Variants in EFNA5 observed in about 807,000 individuals in gnomAD.
EFNA5 encodes the protein ephrin A5, also known as ephrin-A5.
A neutral mutation model predicts 22.9 loss-of-function variants in EFNA5; 5 were observed. The observed-to-expected ratio is 0.22, with a 90% CI of 0.11 to 0.46. The LOEUF is 0.46. Ranked by LOEUF, EFNA5 falls within the 20% of genes least tolerant of loss-of-function variation. The probability of loss-of-function intolerance (pLI) is 0.99; values close to 1 mark genes in which losing one functional copy is unlikely to be tolerated. For missense variants in EFNA5, 237 were observed against 293.3 expected (o/e 0.81, Z 1.40); for synonymous variants, 113 against 112.2 (o/e 1.01, Z -0.04).
At chr5:107,544,243 CTGACAACAGAAGA>C (rs1748105098) in intron 1 of EFNA5, among the ~76,000 whole-genome samples, 1 of 152,152 alleles carries the variant, frequency 6.6e-6, no homozygotes, top group Non-Finnish European at 1.5e-5. Flanking sequence ...TCAGATAGTT[CTGACAACAGAAGA>C]TGTGGCATTT....
intron 1 of EFNA5, among the ~76,000 whole-genome samples, chr5:107,566,278 G>A (rs1432568326): frequency 1.3e-5 from 2 of 152,114 alleles, no homozygotes; most frequent in Non-Finnish European, 1.5e-5. Flanking sequence ...AGCTTTCACA[G>A]TCATGTTACT....
rs1750574265 is a variant in EFNA5 at position 107,643,766 on chromosome 5, C to A, written c.125+26723G>T. Among the ~76,000 whole-genome samples the A allele has an allele frequency of 2.0e-5, 3 of 151,786 alleles. No homozygotes were observed. In the South Asian group the frequency reaches 6.2e-4, roughly 32 times the overall value. ...CAAGTTATCCAAAGAGAGCCCCCAT[C>A]AAAAAAGAGTCATGTTTTATCAGCT... On this transcript the variant is annotated intron_variant, in intron 1 of 4. Coordinates refer to ENST00000333274, the MANE Select transcript of EFNA5 (RefSeq NM_001962.3).
intron 1 of EFNA5, among the ~76,000 whole-genome samples, chr5:107,509,881 T>G (rs1362285181): frequency 6.6e-6 from 1 of 152,194 alleles, no homozygotes; most frequent in Non-Finnish European, 1.5e-5. Flanking sequence ...AATGACTGAA[T>G]AATTCATGGA....
intron 1 of EFNA5, among the ~76,000 whole-genome samples, chr5:107,464,468 G>A (rs1365454025): frequency 2.6e-5 from 4 of 152,118 alleles, no homozygotes; most frequent in Non-Finnish European, 5.9e-5. Context: ...ACATCCTCGG[G>A]GAGCAAAGGG....
chr5:107,615,076 A>C (rs1271105141), intron 1 of EFNA5, among the ~76,000 whole-genome samples: 1 of 152,174 alleles, frequency 6.6e-6, no homozygotes, highest in African/African-American at 2.4e-5. Flanking sequence ...TCATGCAAAA[A>C]GTATTGAGAG....
intron 1 of EFNA5, among the ~76,000 whole-genome samples, chr5:107,445,604 G>C (rs765812024): frequency 1.3e-5 from 2 of 152,166 alleles, no homozygotes; most frequent in African/African-American, 4.8e-5. Context: ...GAGGATGCTA[G>C]AGTTGTTCAG....
chr5:107,451,911 A>AGAC (rs1749569087), intron 1 of EFNA5, among the ~76,000 whole-genome samples: 1 of 152,236 alleles, frequency 6.6e-6, no homozygotes, highest in East Asian at 1.9e-4. Context: ...TCTACTATAA[A>AGAC]GACACATGTA....
At chr5:107,397,222 G>A (rs1035192015) in intron 2 of EFNA5, among the ~76,000 whole-genome samples, 13 of 152,124 alleles carry the variant, frequency 8.5e-5, no homozygotes, top group African/African-American at 2.4e-4. Context: ...GTGCACTCCA[G>A]CCCTGTCGGC....
chr5:107,459,442 T>A (rs12523318), intron 1 of EFNA5, among the ~76,000 whole-genome samples: 32,308 of 151,316 alleles, frequency 0.21, 4,267 homozygotes, highest in South Asian at 0.39. Flanking sequence ...GAAAAATAGA[T>A]GGTTAAAGTG....
At chr5:107,617,688 T>C (rs1409774729) in intron 1 of EFNA5, among the ~76,000 whole-genome samples, 1 of 152,200 alleles carries the variant, frequency 6.6e-6, no homozygotes, top group Non-Finnish European at 1.5e-5. Flanking sequence ...ACTATTCTTC[T>C]TTTCTACCTT....
intron 1 of EFNA5, among the ~76,000 whole-genome samples, chr5:107,518,535 G>A (rs990824575): frequency 1.3e-5 from 2 of 151,072 alleles, no homozygotes; most frequent in South Asian, 2.1e-4. Flanking sequence ...TGCAAATGAC[G>A]TTCCCAGTCA....
chr5:107,564,988 A>G (rs1561434472), intron 1 of EFNA5, among the ~76,000 whole-genome samples: 1 of 152,180 alleles, frequency 6.6e-6, no homozygotes, highest in East Asian at 1.9e-4. Context: ...TTGTGCTAAA[A>G]GATGGAAAAC....
chr5:107,391,473 A>G (rs534415224), intron 2 of EFNA5, among the ~76,000 whole-genome samples: 1 of 152,310 alleles, frequency 6.6e-6, no homozygotes, highest in African/African-American at 2.4e-5. Flanking sequence ...TAAATTTCCA[A>G]ACCAGAGCTT....
chr5:107,438,981 G>A (rs1749184960), intron 1 of EFNA5, among the ~76,000 whole-genome samples: 1 of 152,190 alleles, frequency 6.6e-6, no homozygotes, highest in African/African-American at 2.4e-5. Context: ...TTTAGTAACT[G>A]CTACATTTAT....
intron 1 of EFNA5, among the ~76,000 whole-genome samples, chr5:107,528,105 G>A (rs458393): frequency 0.18 from 27,393 of 152,130 alleles, 2,866 homozygotes; most frequent in Middle Eastern, 0.37. Context: ...TAATTGACAG[G>A]CAGTATAGCA....
chr5:107,611,695 G>A (rs1291946736), intron 1 of EFNA5, among the ~76,000 whole-genome samples: 1 of 152,188 alleles, frequency 6.6e-6, no homozygotes, highest in Non-Finnish European at 1.5e-5. Flanking sequence ...ATCTAAGTTT[G>A]TGCTACTATA....
At chr5:107,590,933 CA>C (rs1749311050) in intron 1 of EFNA5, among the ~76,000 whole-genome samples, 1 of 152,114 alleles carries the variant, frequency 6.6e-6, no homozygotes, top group Non-Finnish European at 1.5e-5. Flanking sequence ...GTTCTTAATG[CA>C]AAAATTTTAA....
At chr5:107,413,060 T>G in intron 2 of EFNA5, among the ~76,000 whole-genome samples, 1 of 152,160 alleles carries the variant, frequency 6.6e-6, no homozygotes, top group East Asian at 1.9e-4. Flanking sequence ...AGAAAACCAC[T>G]TATTAAACTA....
chr5:107,610,809 G>C (rs1749809004), intron 1 of EFNA5, among the ~76,000 whole-genome samples: 1 of 151,990 alleles, frequency 6.6e-6, no homozygotes, highest in African/African-American at 2.4e-5. Flanking sequence ...TAGCAGCCCT[G>C]AGCCTTCCAT....
Sources: gnomAD v4.1 joint callset for allele counts (sites outside exome capture counted in the v4.1 genomes callset) on GRCh38, gnomAD v4.1.1 for gene constraint, MANE v1.5 for transcripts, NCBI Gene and HGNC (gene_info 2026-07-23, HGNC 2026-07-21) for gene names.